AMPD3: variants seen among roughly 807,000 people sequenced by gnomAD.
The protein encoded by AMPD3 is AMP deaminase 3.
AMPD3 carries 57 observed loss-of-function variants against 82.3 expected under a neutral mutation model. That is an observed-to-expected ratio of 0.69 (90% confidence interval 0.56 to 0.86). The LOEUF (loss-of-function observed/expected upper bound fraction) is 0.86. AMPD3 is among the 40% of genes least tolerant of loss of function. The pLI, the probability that AMPD3 is intolerant of heterozygous loss-of-function variation, is 0.00. For missense variants in AMPD3, 870 were observed against 1,003.8 expected (o/e 0.87, Z 1.80); for synonymous variants, 381 against 394.7 (o/e 0.97, Z 0.41).
At chr11:10,503,443 C>T (rs969927141) in intron 13 of AMPD3, among the ~76,000 whole-genome samples, 7 of 152,148 alleles carry the variant, frequency 4.6e-5, no homozygotes, top group African/African-American at 1.2e-4. Context: ...GTCGACAAGA[C>T]CAGCCATTGC....
chr11:10,452,745 T>C (rs923933591), upstream of AMPD3, among the ~76,000 whole-genome samples: 1 of 152,240 alleles, frequency 6.6e-6, no homozygotes. Flanking sequence ...ATAATGCTTA[T>C]AAAACACATA....
At chr11:10,497,303 G>A (rs1442793202) in intron 10 of AMPD3, among the ~76,000 whole-genome samples, 4 of 148,132 alleles carry the variant, frequency 2.7e-5, no homozygotes, top group Non-Finnish European at 6.0e-5. Context: ...TTTTTTTTTC[G>A]GAAATGCAAA....
At chr11:10,481,416 T>C in intron 3 of AMPD3, 1 of 985,358 alleles carries the variant, frequency 1.0e-6, no homozygotes, top group Middle Eastern at 5.2e-4. Flanking sequence ...AAAAACAGAC[T>C]TTTGGCTTAA....
Position 10,456,280 on chromosome 11 carries a change from A to G in AMPD3, c.-6+832A>G. The G allele has an allele frequency of 6.3e-7, 1 of 1,582,288 alleles. No individual in the cohort carries two copies. Among genetic ancestry groups the G allele is most frequent in the Non-Finnish European group, 8.6e-7 (1 of 1,161,244 alleles). Reference sequence around the variant, plus strand: ...AGAGACCTCCTACTCCAGCCGGCAGACAGGACCCAGCCAGCTGCACGCACG... The same window carrying G: ...AGAGACCTCCTACTCCAGCCGGCAGGCAGGACCCAGCCAGCTGCACGCACG... On this transcript the variant is annotated intron_variant, in intron 1 of 14. Coordinates refer to ENST00000396553, the MANE Select transcript of AMPD3 (RefSeq NM_001025389.2). The surrounding 1 kb of genome is among the most constrained non-coding windows in gnomAD (Gnocchi z 4.3).
intron 9 of AMPD3, 61 bp downstream of exon 9, chr11:10,495,794 G>T (rs1449142001): frequency 6.9e-6 from 11 of 1,602,690 alleles, no homozygotes; most frequent in Non-Finnish European, 9.4e-6. Flanking sequence ...TGTCCCTCAT[G>T]GGCTGCTGAG....
At chr11:10,494,645 A>T in intron 7 of AMPD3, 1 of 985,432 alleles carries the variant, frequency 1.0e-6, no homozygotes, top group South Asian at 4.7e-5. Flanking sequence ...CCATGTCCTG[A>T]GCCGAGCTGT....
At chr11:10,499,972 G>T in intron 10 of AMPD3, 114 bp from the exon 11 acceptor site, 1 of 1,546,558 alleles carries the variant, frequency 6.5e-7, no homozygotes, top group South Asian at 1.2e-5. Context: ...GCTGAGGTGT[G>T]AACCTGAGGG....
chr11:10,504,809 C>G, intron 14 of AMPD3, 150 bp downstream of exon 14: 1 of 794,842 alleles, frequency 1.3e-6, no homozygotes, highest in East Asian at 2.7e-5. Flanking sequence ...GCGGCAGCCT[C>G]CTGTGTTTTC....
intron 5 of AMPD3, among the ~76,000 whole-genome samples, chr11:10,485,860 G>A (rs2133899821): frequency 6.6e-6 from 1 of 152,026 alleles, no homozygotes; most frequent in East Asian, 1.9e-4. Context: ...TCACTTCTTG[G>A]TGGGCACTTA....
At chr11:10,461,995 C>CT (rs1212463997) in intron 2 of AMPD3, among the ~76,000 whole-genome samples, 2 of 152,142 alleles carry the variant, frequency 1.3e-5, no homozygotes, top group East Asian at 3.9e-4. Flanking sequence ...TGGCATTTCT[C>CT]TTTTCTTTTT....
At chr11:10,471,846 G>T (rs1465273146) in intron 2 of AMPD3, among the ~76,000 whole-genome samples, 2 of 152,218 alleles carry the variant, frequency 1.3e-5, no homozygotes, top group African/African-American at 4.8e-5. Context: ...TACACTGTTG[G>T]TGGGAGTGTA....
At chr11:10,500,959 G>T in intron 11 of AMPD3, 1 of 985,402 alleles carries the variant, frequency 1.0e-6, no homozygotes, top group Non-Finnish European at 1.2e-6. Flanking sequence ...TGGAGGTTTC[G>T]AATGGGGTCC....
chr11:10,468,069 A>C (rs1400579765), intron 2 of AMPD3, among the ~76,000 whole-genome samples: 1 of 152,234 alleles, frequency 6.6e-6, no homozygotes, highest in Non-Finnish European at 1.5e-5. Context: ...AAACATACCA[A>C]ATTGTAAAGA....
intron 2 of AMPD3, 70 bp from the exon 3 acceptor site, chr11:10,478,456 C>T (rs1848803369): frequency 6.3e-7 from 1 of 1,595,880 alleles, no homozygotes; most frequent in African/African-American, 1.3e-5. Context: ...ACGCACACAG[C>T]AAAGAGTCTT....
intron 2 of AMPD3, among the ~76,000 whole-genome samples, chr11:10,475,397 A>G (rs887150793): frequency 2.0e-5 from 3 of 152,148 alleles, no homozygotes; most frequent in Non-Finnish European, 4.4e-5. Context: ...GGGCAGAGAC[A>G]TGGATGCAAA....
chr11:10,469,761 C>T (rs899889417), intron 2 of AMPD3, among the ~76,000 whole-genome samples: 5 of 152,118 alleles, frequency 3.3e-5, no homozygotes, highest in Admixed American at 6.5e-5. Flanking sequence ...AGTCTTCGGC[C>T]GGGCGCGGTG....
In AMPD3 at chr11:10,487,270, A is replaced by C. The variant is rs1378337478; in HGVS notation, c.845A>C (p.Glu282Ala). 1.2e-6 allele frequency: 2 copies of C among 1,614,058 alleles called. No individual in the cohort carries two copies. Among genetic ancestry groups the C allele is most frequent in the East Asian group, 2.2e-5 (1 of 44,888 alleles). ...TGTCACCGGCGACTGAACTTTCTGGAATCCAAGTTCAGCCTTCATGAGATG... is the reference window on the plus strand; with the variant it reads ...TGTCACCGGCGACTGAACTTTCTGGCATCCAAGTTCAGCCTTCATGAGATG... ...TYCHRRLNFL[E>A]SKFSLHEMLN... The change falls in exon 6 of 15, where the codon GAA becomes GCA. Residue 282 changes from glutamate (E) to alanine (A), a missense_variant. Coordinates refer to ENST00000396553, the MANE Select transcript of AMPD3 (RefSeq NM_001025389.2).
chr11:10,486,338 C>A (rs546332182), intron 5 of AMPD3, among the ~76,000 whole-genome samples: 1 of 152,186 alleles, frequency 6.6e-6, no homozygotes, highest in East Asian at 1.9e-4. Context: ...GCCAAGGAAG[C>A]TGCTGTTTGT....
chr11:10,490,571 C>A, intron 6 of AMPD3: 9 of 985,226 alleles, frequency 9.1e-6, no homozygotes, highest in Non-Finnish European at 1.1e-5. Flanking sequence ...AAAACACTGA[C>A]CTCCAATGAC....
Sources: gnomAD v4.1 joint callset for allele counts (sites outside exome capture counted in the v4.1 genomes callset) on GRCh38, gnomAD v4.1.1 for gene constraint, Gnocchi (gnomAD v3.1) non-coding constraint, MANE v1.5 for transcripts, NCBI Gene and HGNC (gene_info 2026-07-23, HGNC 2026-07-21) for gene names.